RIMS1: variants seen among roughly 807,000 people sequenced by gnomAD.
RIMS1 encodes regulating synaptic membrane exocytosis protein 1.
Under a neutral mutation model 214.1 loss-of-function variants are expected in RIMS1, and 83 were observed. That is an observed-to-expected ratio of 0.39 (90% CI 0.32 to 0.47). The LOEUF is 0.47. Ranked by LOEUF, RIMS1 falls within the 20% of genes least tolerant of loss-of-function variation. RIMS1 has a pLI of 0.99. For missense variants in RIMS1, 2,050 were observed against 2,161.8 expected, an observed-to-expected ratio of 0.95 and a Z score of 1.03; for synonymous variants, 793 against 786.8, an observed-to-expected ratio of 1.01 and a Z score of -0.13.
At chr6:72,256,231 A>G (rs1047664600) in intron 16 of RIMS1, among the ~76,000 whole-genome samples, 5 of 152,102 alleles carry the variant, frequency 3.3e-5, no homozygotes, top group Non-Finnish European at 7.4e-5. Context: ...TATAGAGTCA[A>G]ATGTTAAAAC....
intron 29 of RIMS1, among the ~76,000 whole-genome samples, chr6:72,366,251 A>G (rs1333081737): frequency 1.3e-5 from 2 of 152,198 alleles, no homozygotes; most frequent in Admixed American, 1.3e-4. Flanking sequence ...GATAATTTTG[A>G]CAGCTTAAGT....
intron 1 of RIMS1, among the ~76,000 whole-genome samples, chr6:71,903,658 A>T (rs1400800010): frequency 6.6e-6 from 1 of 152,060 alleles, no homozygotes; most frequent in African/African-American, 2.4e-5. Context: ...AATTTACGGG[A>T]AAAAAACAAT....
intron 1 of RIMS1, among the ~76,000 whole-genome samples, chr6:71,966,153 T>C (rs192767352): frequency 6.6e-6 from 1 of 152,288 alleles, no homozygotes; most frequent in Admixed American, 6.5e-5. Flanking sequence ...CGAAATTGGG[T>C]AAATGATTAG....
At chr6:72,142,995 A>G (rs2042259902) in intron 4 of RIMS1, among the ~76,000 whole-genome samples, 1 of 152,114 alleles carries the variant, frequency 6.6e-6, no homozygotes, top group Admixed American at 6.5e-5. Flanking sequence ...TATTTTTGCA[A>G]ATTCTTTGAT....
intron 4 of RIMS1, among the ~76,000 whole-genome samples, chr6:72,159,582 G>C (rs1217817181): frequency 7.1e-6 from 1 of 140,756 alleles, no homozygotes. Context: ...TGTAAGGAAA[G>C]GATCCAGTTT....
chr6:72,277,607 G>A (rs1470141149), intron 23 of RIMS1, among the ~76,000 whole-genome samples: 3 of 151,428 alleles, frequency 2.0e-5, no homozygotes, highest in Non-Finnish European at 4.4e-5. Context: ...ATATTTTCTA[G>A]AAATTGAGGA....
At chr6:72,369,418 T>C (rs2098144255) in intron 29 of RIMS1, among the ~76,000 whole-genome samples, 1 of 152,052 alleles carries the variant, frequency 6.6e-6, no homozygotes, top group Non-Finnish European at 1.5e-5. Context: ...GTAGGACATG[T>C]ATATTAAAAG....
intron 4 of RIMS1, among the ~76,000 whole-genome samples, chr6:72,142,534 T>G (rs1383899386): frequency 6.6e-6 from 1 of 152,054 alleles, no homozygotes; most frequent in Non-Finnish European, 1.5e-5. Flanking sequence ...CTACCCCAGA[T>G]CATCAATAAA....
At chr6:72,239,494 A>G (rs746868296) in intron 9 of RIMS1, among the ~76,000 whole-genome samples, 10 of 152,242 alleles carry the variant, frequency 6.6e-5, no homozygotes, top group Non-Finnish European at 1.2e-4. Context: ...GATTTACATT[A>G]TAATTTAGGA....
chr6:71,901,380 G>C (rs1773556379), intron 1 of RIMS1, among the ~76,000 whole-genome samples: 1 of 152,110 alleles, frequency 6.6e-6, no homozygotes, highest in African/African-American at 2.4e-5. Context: ...TCAGTAGAAT[G>C]AATTTAAAAG....
intron 4 of RIMS1, among the ~76,000 whole-genome samples, chr6:72,154,150 A>AGTTAGGGACCCACTTGAGGATGCAGTCTG (rs1554253954): frequency 5.6e-5 from 8 of 142,776 alleles, no homozygotes; most frequent in Non-Finnish European, 9.6e-5. Context: ...TGTATATGAA[A>AGTTAGGGACCCACTTGAGGATGCAGTCTG]TAGCTACAAA....
intron 1 of RIMS1, among the ~76,000 whole-genome samples, chr6:71,928,165 T>A (rs1371770600): frequency 6.6e-6 from 1 of 152,160 alleles, no homozygotes; most frequent in Non-Finnish European, 1.5e-5. Context: ...TTTGCATATA[T>A]AAACAAATTT....
intron 2 of RIMS1, among the ~76,000 whole-genome samples, chr6:72,071,105 A>G (rs1830482362): frequency 6.6e-6 from 1 of 152,212 alleles, no homozygotes; most frequent in Non-Finnish European, 1.5e-5. Flanking sequence ...ATATAAATCT[A>G]GGAGAAATAG....
intron 2 of RIMS1, among the ~76,000 whole-genome samples, chr6:71,979,749 A>G (rs914762249): frequency 1.3e-5 from 2 of 152,062 alleles, no homozygotes; most frequent in African/African-American, 4.8e-5. Flanking sequence ...ATACTACCCC[A>G]TTATGTATCA....
Position 72,265,090 on chromosome 6 carries a change from G to A in RIMS1, c.3194+38G>A, listed in dbSNP as rs769796491. Reference sequence around the variant, plus strand: ...ACAGTGAGTCCCACCCAGTTATAAAGTAATTCCTAATCCCTTGCCTACTAA... The same window carrying A: ...ACAGTGAGTCCCACCCAGTTATAAAATAATTCCTAATCCCTTGCCTACTAA... On this transcript the variant is annotated intron_variant, in intron 20 of 33. Coordinates refer to ENST00000521978, the MANE Select transcript of RIMS1 (RefSeq NM_014989.7). The A allele has an allele frequency of 3.3e-6, 4 of 1,206,052 alleles. No individual in the cohort carries two copies. The East Asian group carries it at 1.0e-4, about 30-fold the overall frequency. 74.7% of individuals were successfully genotyped at this position (1,206,052 alleles called of 1,614,324 possible). A position where few individuals can be genotyped will look rare whatever the true frequency, so the allele number is the denominator to read the frequency against.
intron 4 of RIMS1, among the ~76,000 whole-genome samples, chr6:72,155,310 CAA>C (rs2044292420): frequency 7.1e-6 from 1 of 140,184 alleles, no homozygotes; most frequent in African/African-American, 2.5e-5. Context: ...TAACAGCACC[CAA>C]GTTACCTCTT....
chr6:71,983,412 G>T (rs1012872244), intron 2 of RIMS1, among the ~76,000 whole-genome samples: 3 of 151,706 alleles, frequency 2.0e-5, no homozygotes, highest in Admixed American at 6.6e-5. Flanking sequence ...ACAGGGAAAG[G>T]CCCAGTCAGT....
chr6:72,376,608 G>A (rs531102959), intron 29 of RIMS1, among the ~76,000 whole-genome samples: 9 of 152,016 alleles, frequency 5.9e-5, no homozygotes, highest in African/African-American at 1.7e-4. Flanking sequence ...TTAGCTGGGC[G>A]TAGTGTTGCA....
intron 2 of RIMS1, among the ~76,000 whole-genome samples, chr6:72,070,680 A>G (rs754091191): frequency 6.6e-6 from 1 of 152,204 alleles, no homozygotes; most frequent in Non-Finnish European, 1.5e-5. Flanking sequence ...TGAACCACTG[A>G]ACAAGATTTT....
Sources: allele counts gnomAD v4.1 joint callset (sites outside exome capture counted in the v4.1 genomes callset), GRCh38; gene constraint gnomAD v4.1.1; transcripts MANE v1.5; gene names NCBI Gene and HGNC (gene_info 2026-07-23, HGNC 2026-07-21).